The following ENPP2 variants were observed in gnomAD, a reference collection of about 807,000 sequenced individuals.
ENPP2 encodes autotaxin.
In ENPP2, 51 loss-of-function variants were observed where a neutral mutation model predicts 120.2. The observed-to-expected ratio is 0.42, with a 90% CI of 0.34 to 0.54. ENPP2 has a LOEUF of 0.54. Ranked by LOEUF, ENPP2 falls within the 20% of genes least tolerant of loss-of-function variation. The pLI, the probability that ENPP2 is intolerant of heterozygous loss-of-function variation, is 0.04. For synonymous variants in ENPP2, 365 were observed against 366.4 expected (o/e 1.00, Z 0.04); for missense variants, 920 against 1,066.5 (o/e 0.86, Z 1.91).
chr8:119,659,323 A>AAAAAAAAAAAAAAAAAC (rs1817855319), intron 1 of ENPP2, among the ~76,000 whole-genome samples: 1 of 149,100 alleles, frequency 6.7e-6, no homozygotes, highest in South Asian at 2.2e-4. Context: ...TCTCAATTAA[A>AAAAAAAAAAAAAAAAAC]AAAAAAAAAA....
At chr8:119,567,617 T>C (rs1392036965) in intron 22 of ENPP2, among the ~76,000 whole-genome samples, 1 of 152,184 alleles carries the variant, frequency 6.6e-6, no homozygotes, top group Non-Finnish European at 1.5e-5. Context: ...TCATCTGAAA[T>C]AAACACTCTG....
chr8:119,604,012 C>CTTTT (rs35136821), intron 9 of ENPP2, among the ~76,000 whole-genome samples: 1 of 136,596 alleles, frequency 7.3e-6, no homozygotes, highest in Admixed American at 7.4e-5. Context: ...CAATCTCTCT[C>CTTTT]TTTTTTTTTT....
intron 24 of ENPP2, among the ~76,000 whole-genome samples, chr8:119,561,963 C>T (rs892127648): frequency 3.3e-5 from 5 of 151,706 alleles, no homozygotes; most frequent in African/African-American, 7.3e-5. Context: ...ACGGTGGAAC[C>T]CTGTCTCTAC....
intron 4 of ENPP2, 113 bp from the exon 5 acceptor site, chr8:119,619,417 C>CA (rs5894488): frequency 3.8e-4 from 167 of 435,360 alleles, no homozygotes; most frequent in Middle Eastern, 5.6e-4. Flanking sequence ...TGGGATATAA[C>CA]AAAAAAAAAA....
chr8:119,666,294 T>A (rs11989381), intron 1 of ENPP2, among the ~76,000 whole-genome samples: 53,099 of 151,842 alleles, frequency 0.35, 9,576 homozygotes, highest in East Asian at 0.55. Flanking sequence ...TTTTTAAAAA[T>A]CGAAAATTTG....
intron 1 of ENPP2, among the ~76,000 whole-genome samples, chr8:119,648,381 C>T (rs981189206): frequency 6.6e-6 from 1 of 152,082 alleles, no homozygotes; most frequent in Admixed American, 6.6e-5. Flanking sequence ...TGTTTCAATC[C>T]ACCTTTTTCA....
chr8:119,558,099 A>C (rs1813611700), intron 24 of ENPP2, among the ~76,000 whole-genome samples: 1 of 152,242 alleles, frequency 6.6e-6, no homozygotes, highest in Non-Finnish European at 1.5e-5. Context: ...CTTCCCAAGG[A>C]AAGTGAAGAA....
rs35227070 is a variant in ENPP2 at position 119,573,408 on chromosome 8, T to TAAAAAAAAAAA, written c.1781-2578_1781-2568dup. ...GGTGACAGAGCGAGGCTCCGTCTCT[T>TAAAAAAAAAAA]AAAAAAAAAAAAAAAAAAGATTCAT... is the stretch of plus-strand genomic sequence containing the variant. On this transcript the variant is annotated intron_variant, in intron 19 of 24. Transcript: ENST00000075322. Among the ~76,000 whole-genome samples the TAAAAAAAAAAA allele has an allele frequency of 3.7e-4, 46 of 124,382 alleles. 1 individual carries two copies. The highest frequency in any genetic ancestry group is 1.2e-3 in the African/African-American group (37 of 29,886). The allele number at this position is 124,382 out of a possible 152,430, so 81.6% of individuals were successfully genotyped here. A position where few individuals can be genotyped will look rare whatever the true frequency, so the allele number is the denominator to read the frequency against.
chr8:119,581,470 C>T (rs1046328560), intron 18 of ENPP2, among the ~76,000 whole-genome samples: 2 of 152,012 alleles, frequency 1.3e-5, no homozygotes, highest in African/African-American at 4.8e-5. Context: ...AAAGGAAGTA[C>T]AGGGGAGGAA....
chr8:119,593,666 G>C, intron 12 of ENPP2, 86 bp downstream of exon 12: 2 of 846,984 alleles, frequency 2.4e-6, no homozygotes, highest in Non-Finnish European at 4.0e-6. Flanking sequence ...TGGAGTCTTG[G>C]CTTCTAAGGG....
At chr8:119,626,018 A>T (rs1463941772) in intron 3 of ENPP2, among the ~76,000 whole-genome samples, 1 of 152,168 alleles carries the variant, frequency 6.6e-6, no homozygotes, top group Non-Finnish European at 1.5e-5. Flanking sequence ...GAAGTGAAAC[A>T]AATGCTAGAA....
Position 119,626,688 on chromosome 8 carries a change from C to T in ENPP2, c.169G>A (p.Gly57Arg), listed in dbSNP as rs771405069. ...LSDSPWTNIS[G>R]SCKGRCFELQ... The stretch of plus-strand genomic sequence containing the variant: ...TCAAAGCACCTGCCCTTGCAAGATC[C>T]GGAGATGTTGGTCCAGGGGGAGTCT... The change falls in exon 3 of 25, where the codon GGA becomes AGA. Residue 57 changes from glycine (G) to arginine (R), a missense_variant. Coordinates refer to ENST00000075322, the MANE Select transcript of ENPP2 (RefSeq NM_001040092.3). 18 of 1,614,030 alleles carry T rather than the reference C, an allele frequency of 1.1e-5. No homozygotes were observed. In the East Asian group the frequency reaches 1.6e-4, roughly 14 times the overall value.
chr8:119,642,071 T>G (rs532484815), upstream of ENPP2, among the ~76,000 whole-genome samples: 43 of 152,332 alleles, frequency 2.8e-4, no homozygotes, highest in African/African-American at 1.0e-3. Flanking sequence ...ATGCTCCACT[T>G]GATGCCTTGA....
At chr8:119,618,831 T>C (rs1238505365) in intron 5 of ENPP2, among the ~76,000 whole-genome samples, 1 of 151,900 alleles carries the variant, frequency 6.6e-6, no homozygotes, top group African/African-American at 2.4e-5. Flanking sequence ...CAATAAGTAA[T>C]AATTACTTAT....
chr8:119,589,116 A>C (rs1472817897), intron 13 of ENPP2, among the ~76,000 whole-genome samples: 2 of 152,220 alleles, frequency 1.3e-5, no homozygotes, highest in East Asian at 3.8e-4. Context: ...TATGACTAAG[A>C]CATCATCATC....
At chr8:119,560,470 A>G (rs1411320666) in intron 24 of ENPP2, among the ~76,000 whole-genome samples, 1 of 152,118 alleles carries the variant, frequency 6.6e-6, no homozygotes, top group Non-Finnish European at 1.5e-5. Context: ...ATAAAACCCT[A>G]TGGATCCTTC....
intron 21 of ENPP2, 123 bp from the exon 22 acceptor site, chr8:119,568,375 C>T (rs1277187849): frequency 3.1e-6 from 2 of 648,756 alleles, no homozygotes; most frequent in Non-Finnish European, 2.8e-6. Context: ...AATGAATCTA[C>T]TCTTTTATTC....
intron 18 of ENPP2, 58 bp downstream of exon 18, chr8:119,582,360 C>A: frequency 7.4e-7 from 1 of 1,348,614 alleles, no homozygotes. Context: ...GTTCTATGGG[C>A]CAGCACTGTT....
chr8:119,617,570 C>T lies in ENPP2; in HGVS notation c.480-7G>A, dbSNP rs201290115. On this transcript the variant is annotated splice_polypyrimidine_tract_variant and splice_region_variant and intron_variant, in intron 5 of 24. Transcript: ENST00000075322. Reference sequence around the variant, plus strand: ...TAATGGAGGGCGAACAAACCTTAAACAGTAACACATTAAGCTTTTAGAAAC... The same window carrying T: ...TAATGGAGGGCGAACAAACCTTAAATAGTAACACATTAAGCTTTTAGAAAC... 6.3e-6 allele frequency: 10 copies of T among 1,588,456 alleles called. No individual in the cohort carries two copies. In the Admixed American group the frequency reaches 1.5e-4, roughly 24 times the overall value.
Sources: allele counts gnomAD v4.1 joint callset (sites outside exome capture counted in the v4.1 genomes callset), GRCh38; gene constraint gnomAD v4.1.1; transcripts MANE v1.5; gene names NCBI Gene and HGNC (gene_info 2026-07-23, HGNC 2026-07-21).